Variants in WDPCP observed in about 807,000 individuals in gnomAD.
WDPCP encodes WD repeat containing planar cell polarity effector.
Under a neutral mutation model 93.1 loss-of-function variants are expected in WDPCP, and 71 were observed. The observed-to-expected ratio is 0.76, with a 90% confidence interval of 0.63 to 0.93. WDPCP has a LOEUF of 0.93. Ranked by LOEUF, WDPCP falls within the 40% of genes least tolerant of loss-of-function variation. The pLI is 0.00. For missense variants in WDPCP, 844 were observed against 887.4 expected (o/e 0.95, Z 0.62); for synonymous variants, 315 against 315.0 (o/e 1.00, Z 0.00).
chr2:63,700,195 T>C (rs1669024219), intron 2 of WDPCP, among the ~76,000 whole-genome samples: 1 of 140,204 alleles, frequency 7.1e-6, no homozygotes, highest in South Asian at 2.2e-4. Context: ...AGTGGGAGGA[T>C]CACCTGAGCC....
rs539419627 is a variant in WDPCP at position 63,640,868 on chromosome 2, C to T, written n.488+9791G>A. On this transcript the variant is annotated intron_variant and non_coding_transcript_variant, in intron 3 of 4. Coordinates refer to the WDPCP transcript ENST00000467687. ...TTTAAATGTACAATTAAATTATTAT[C>T]GACTATAGTCACCCTGCTGTGCAAT... 2.6e-5 allele frequency among the ~76,000 whole-genome samples: 4 copies of T among 152,198 alleles called. No homozygotes were observed. In the South Asian group the frequency reaches 6.2e-4, roughly 24 times the overall value.
chr2:63,376,934 T>G (rs923359899), intron 12 of WDPCP, among the ~76,000 whole-genome samples: 2 of 151,896 alleles, frequency 1.3e-5, no homozygotes, highest in Non-Finnish European at 2.9e-5. Flanking sequence ...AACATGAATA[T>G]CTACACAACA....
In WDPCP at chr2:63,712,668, T is replaced by C. The variant is rs149659170; in HGVS notation, n.309-61830A>G. On this transcript the variant is annotated intron_variant and non_coding_transcript_variant, in intron 2 of 4. Transcript: ENST00000467687. ...CAAAAATTCCACTTCAGGGACATTT[T>C]GTTTCTCCACAGGCATAATCATTAC... is the stretch of plus-strand genomic sequence containing the variant. 4.1e-3 allele frequency among the ~76,000 whole-genome samples: 626 copies of C among 152,352 alleles called. 3 individuals are homozygous for C. The highest frequency in any genetic ancestry group is 0.014 in the African/African-American group (586 of 41,584).
chr2:63,808,096 G>C (rs185126099), intron 2 of WDPCP, among the ~76,000 whole-genome samples: 12 of 151,944 alleles, frequency 7.9e-5, no homozygotes, highest in African/African-American at 2.7e-4. Context: ...ATTCACTCAG[G>C]GCTCATCATT....
chr2:63,203,393 A>G (rs185810866), intron 14 of WDPCP, among the ~76,000 whole-genome samples: 3 of 152,316 alleles, frequency 2.0e-5, no homozygotes, highest in Non-Finnish European at 4.4e-5. Context: ...GTGCTGTCAA[A>G]TACTATGTCT....
intron 14 of WDPCP, among the ~76,000 whole-genome samples, chr2:63,238,852 T>C (rs1362644407): frequency 2.6e-5 from 4 of 152,190 alleles, no homozygotes; most frequent in African/African-American, 9.6e-5. Flanking sequence ...TTATGCACTA[T>C]TAAATGATTA....
intron 14 of WDPCP, among the ~76,000 whole-genome samples, chr2:63,184,544 A>G (rs138457538): frequency 1.2e-3 from 188 of 152,118 alleles, no homozygotes; most frequent in Non-Finnish European, 1.6e-3. Flanking sequence ...TAGAATCCCA[A>G]TCTTTTACTG....
chr2:63,215,663 G>A (rs1677262325), intron 14 of WDPCP, among the ~76,000 whole-genome samples: 1 of 152,188 alleles, frequency 6.6e-6, no homozygotes, highest in African/African-American at 2.4e-5. Context: ...AGGACTTCAT[G>A]TCTAAAACAC....
intron 14 of WDPCP, among the ~76,000 whole-genome samples, chr2:63,247,107 A>C (rs1310026905): frequency 1.3e-5 from 2 of 152,204 alleles, no homozygotes. Flanking sequence ...AAACACTTCA[A>C]AATGCCATCG....
chr2:63,766,348 T>A (rs1415835706), intron 2 of WDPCP, among the ~76,000 whole-genome samples: 1 of 151,916 alleles, frequency 6.6e-6, no homozygotes, highest in African/African-American at 2.4e-5. Flanking sequence ...TTTTTTTTTT[T>A]AGACAGGATC....
intron 6 of WDPCP, chr2:63,441,739 T>G (rs533691564): frequency 1.3e-5 from 2 of 152,082 alleles, no homozygotes; most frequent in African/African-American, 2.4e-5. Context: ...ATATTGCCAG[T>G]GATCAGGAGC....
At chr2:63,502,108 A>AC (rs1701594783) in intron 1 of WDPCP, among the ~76,000 whole-genome samples, 1 of 152,232 alleles carries the variant, frequency 6.6e-6, no homozygotes, top group African/African-American at 2.4e-5. Flanking sequence ...TGTACTTACA[A>AC]CACGTGCACA....
At chr2:63,389,495 C>T (rs1410859381) in intron 10 of WDPCP, among the ~76,000 whole-genome samples, 1 of 152,094 alleles carries the variant, frequency 6.6e-6, no homozygotes, top group Non-Finnish European at 1.5e-5. Flanking sequence ...CATCCATTAA[C>T]AGGCAAAATA....
At position 63,484,628 on chromosome 2, in the gene WDPCP, T is replaced by A. The variant is rs755473278; in HGVS notation, c.360A>T (p.Lys120Asn). Residue 120 changes from lysine to asparagine, a missense_variant, in exon 6 of 18, where the codon AAA (lysine) becomes AAT (asparagine). Lys to Asn is a moderately conservative substitution (Grantham distance 94). Transcript: ENST00000272321. ...CCTGACAGACATATTTGTTCTTCCATTTGCTCAGCACACACCGACTGTTTT... is the reference window on the plus strand; with the variant it reads ...CCTGACAGACATATTTGTTCTTCCAATTGCTCAGCACACACCGACTGTTTT... ...LMQNSRCVLSKWKNKYVCQLL... is the reference protein window; with the variant it reads ...LMQNSRCVLSNWKNKYVCQLL... 6.2e-7 allele frequency: 1 copy of A among 1,612,956 alleles called. No homozygotes were observed. The highest frequency in any genetic ancestry group is 1.1e-5 in the South Asian group (1 of 91,066).
chr2:63,138,431 G>A (rs999980982), intron 17 of WDPCP, among the ~76,000 whole-genome samples: 2 of 150,422 alleles, frequency 1.3e-5, no homozygotes, highest in African/African-American at 4.9e-5. Context: ...GGTACAGGTG[G>A]TATTTGGTTA....
chr2:63,187,834 G>T (rs1674751085), intron 14 of WDPCP, among the ~76,000 whole-genome samples: 1 of 152,044 alleles, frequency 6.6e-6, no homozygotes, highest in African/African-American at 2.4e-5. Flanking sequence ...TACTATGTTG[G>T]TGCCTACCAT....
chr2:63,310,355 T>G (rs1317171975), intron 13 of WDPCP, among the ~76,000 whole-genome samples: 1 of 152,130 alleles, frequency 6.6e-6, no homozygotes, highest in East Asian at 1.9e-4. Context: ...GAAATGGGCC[T>G]GAAAGAACCC....
At chr2:63,528,102 G>C (rs139388939) in intron 1 of WDPCP, among the ~76,000 whole-genome samples, 1,723 of 152,088 alleles carry the variant, frequency 0.011, 19 homozygotes, top group Middle Eastern at 0.027. Context: ...GTTCTTTGTA[G>C]ATTCTGGATA....
At chr2:63,823,931 T>C (rs1416790481) in intron 1 of WDPCP, among the ~76,000 whole-genome samples, 1 of 151,858 alleles carries the variant, frequency 6.6e-6, no homozygotes, top group Non-Finnish European at 1.5e-5. Flanking sequence ...CTCAGCACTT[T>C]GGGAGGCTAA....
Sources: allele counts gnomAD v4.1 joint callset (sites outside exome capture counted in the v4.1 genomes callset), GRCh38; gene constraint gnomAD v4.1.1; transcripts MANE v1.5; gene names NCBI Gene and HGNC (gene_info 2026-07-23, HGNC 2026-07-21).